The following STX12 variants were observed in gnomAD, a reference collection of about 807,000 sequenced individuals.
STX12 encodes the protein syntaxin-12.
In STX12, 17 loss-of-function variants were observed where a neutral mutation model predicts 42.2. That is an observed-to-expected ratio of 0.40 (90% CI 0.28 to 0.60). STX12 has a LOEUF of 0.60. Ranked by LOEUF, STX12 falls within the 20% of genes least tolerant of loss-of-function variation. STX12 has a pLI of 0.39. For missense variants in STX12, 297 were observed against 330.9 expected (o/e 0.90, Z 0.79); for synonymous variants, 108 against 116.7 (o/e 0.93, Z 0.48).
At chr1:27,796,703 G>GT (rs113275488) in intron 3 of STX12, among the ~76,000 whole-genome samples, 13,121 of 136,452 alleles carry the variant, frequency 0.096, 659 homozygotes, top group Middle Eastern at 0.14. Context: ...TTTGTAAAGA[G>GT]TTTTTTTTTT....
intron 4 of STX12, 138 bp from the exon 5 acceptor site, chr1:27,810,108 C>G (rs1427762331): frequency 2.8e-6 from 2 of 714,410 alleles, no homozygotes; most frequent in African/African-American, 1.8e-5. Context: ...GACAGATTGC[C>G]AGAGTCCTAT....
chr1:27,807,991 A>G (rs2088875594), intron 4 of STX12, among the ~76,000 whole-genome samples: 1 of 152,248 alleles, frequency 6.6e-6, no homozygotes, highest in African/African-American at 2.4e-5. Context: ...GATATTGAAT[A>G]AGAATATAGC....
chr1:27,808,913 T>C (rs949589442), intron 4 of STX12, among the ~76,000 whole-genome samples: 4 of 152,196 alleles, frequency 2.6e-5, no homozygotes, highest in Non-Finnish European at 4.4e-5. Flanking sequence ...CGTTATTATA[T>C]GCCAAAGAGG....
chr1:27,780,042 T>C (rs761439578), intron 1 of STX12, among the ~76,000 whole-genome samples: 5 of 151,516 alleles, frequency 3.3e-5, no homozygotes, highest in African/African-American at 7.3e-5. Context: ...CCGCCCGCCT[T>C]GGCCTCCCAA....
intron 3 of STX12, among the ~76,000 whole-genome samples, chr1:27,797,182 C>T (rs1382473044): frequency 2.6e-5 from 4 of 152,138 alleles, no homozygotes; most frequent in Non-Finnish European, 5.9e-5. Flanking sequence ...CTGCCTCAGA[C>T]TCCCAAGTAG....
chr1:27,800,889 T>C (rs1181953123), intron 3 of STX12, among the ~76,000 whole-genome samples: 1 of 152,178 alleles, frequency 6.6e-6, no homozygotes, highest in Non-Finnish European at 1.5e-5. Flanking sequence ...ATGAAGTACT[T>C]ACCAAGTCTC....
chr1:27,796,094 T>C (rs150594254), intron 3 of STX12, among the ~76,000 whole-genome samples: 3 of 152,336 alleles, frequency 2.0e-5, no homozygotes, highest in African/African-American at 7.2e-5. Context: ...TATTTTTGGA[T>C]TATGCATGCT....
intron 1 of STX12, among the ~76,000 whole-genome samples, chr1:27,779,305 A>G (rs2088649426): frequency 6.6e-6 from 1 of 150,568 alleles, no homozygotes; most frequent in South Asian, 2.1e-4. Context: ...TCTGTTGTCT[A>G]TTGAATCAGA....
intron 5 of STX12, 124 bp from the exon 6 acceptor site, chr1:27,812,039 A>G (rs778616065): frequency 2.8e-5 from 22 of 781,434 alleles, no homozygotes; most frequent in Non-Finnish European, 4.7e-5. Flanking sequence ...GACTTTATTG[A>G]TAGCAGAGGA....
At chr1:27,773,467 G>T in intron 1 of STX12, 42 bp downstream of exon 1, 1 of 1,585,174 alleles carries the variant, frequency 6.3e-7, no homozygotes, top group Non-Finnish European at 8.7e-7. Context: ...GCTGTCCCGG[G>T]GACAGGCCTG....
intron 3 of STX12, among the ~76,000 whole-genome samples, chr1:27,799,815 C>T (rs866002443): frequency 1.3e-5 from 2 of 152,138 alleles, no homozygotes; most frequent in African/African-American, 4.8e-5. Context: ...TGCAATGGCA[C>T]GATCTCAGCT....
chr1:27,779,625 C>G (rs1571515457), intron 1 of STX12, among the ~76,000 whole-genome samples: 1 of 151,732 alleles, frequency 6.6e-6, no homozygotes, highest in Non-Finnish European at 1.5e-5. Flanking sequence ...AGCCACCGTG[C>G]CTGGCCTGAA....
rs560750281 is a variant in STX12, at chr1:27,779,345, T to C, written c.118+5920T>C. The stretch of plus-strand genomic sequence containing the variant: ...TTTTTTTGTTTTTGTTTTTTTTTGT[T>C]TTTTTTTGAGCCAAGTCTCACTCTG... On this transcript the variant is annotated intron_variant, in intron 1 of 8. Coordinates refer to ENST00000373943, the MANE Select transcript of STX12 (RefSeq NM_177424.3). 8.6e-5 allele frequency among the ~76,000 whole-genome samples: 13 copies of C among 150,944 alleles called. No homozygotes were observed. In the East Asian group the frequency reaches 2.1e-3, roughly 25 times the overall value.
intron 3 of STX12, among the ~76,000 whole-genome samples, chr1:27,800,050 C>T (rs1029908057): frequency 3.9e-5 from 6 of 152,218 alleles, no homozygotes; most frequent in South Asian, 2.1e-4. Flanking sequence ...CTACTGCGCC[C>T]GGCCTAGCTT....
In STX12 at chr1:27,773,496, CAGGG is replaced by C. The variant is rs1282415223; in HGVS notation, c.118+72_118+75del. On this transcript the variant is annotated intron_variant, in intron 1 of 8. Transcript: ENST00000373943. The stretch of plus-strand genomic sequence containing the variant: ...AGGCCTGGGTGAGGCTGCCGGGACG[CAGGG>C]CCCGGCTGGGGCTACGGCCGAGGCC... 6.6e-5 allele frequency: 94 copies of C among 1,427,748 alleles called. No individual in the cohort carries two copies. In the African/African-American group the frequency reaches 1.2e-3, roughly 18 times the overall value. The allele number at this position is 1,427,748 out of a possible 1,614,324, so 88.4% of individuals were successfully genotyped here.
At chr1:27,820,392 T>C (rs927143131) in intron 8 of STX12, 1 of 152,232 alleles carries the variant, frequency 6.6e-6, no homozygotes, top group African/African-American at 2.4e-5. Context: ...TTGAGTTCAT[T>C]GTAGATTCTG....
intron 4 of STX12, among the ~76,000 whole-genome samples, chr1:27,809,198 G>A (rs1442828013): frequency 6.6e-6 from 1 of 151,980 alleles, no homozygotes; most frequent in African/African-American, 2.4e-5. Context: ...GCTGGGCGTG[G>A]TGGCGTGCAC....
intron 3 of STX12, among the ~76,000 whole-genome samples, chr1:27,797,832 C>T (rs1331555848): frequency 1.3e-5 from 2 of 151,858 alleles, no homozygotes; most frequent in African/African-American, 4.9e-5. Context: ...AATATTCTCA[C>T]TCATGCTAAT....
intron 4 of STX12, among the ~76,000 whole-genome samples, chr1:27,809,270 G>T (rs2088885638): frequency 6.6e-6 from 1 of 150,620 alleles, no homozygotes; most frequent in African/African-American, 2.4e-5. Flanking sequence ...GGAGGCAGAG[G>T]TGGTAGTGCA....
Sources: allele counts gnomAD v4.1 joint callset (sites outside exome capture counted in the v4.1 genomes callset), GRCh38; gene constraint gnomAD v4.1.1; transcripts MANE v1.5; gene names NCBI Gene and HGNC (gene_info 2026-07-23, HGNC 2026-07-21).